GNG4: variants seen among roughly 807,000 people sequenced by gnomAD.
The protein encoded by GNG4 is G protein subunit gamma 4, also known as guanine nucleotide-binding protein G(I)/G(S)/G(O) subunit gamma-4.
GNG4 carries 4 observed loss-of-function variants against 5.8 expected under a neutral mutation model. The ratio of observed to expected loss-of-function variants is 0.69; its 90% CI spans 0.34 to 1.57. The LOEUF is 1.57. GNG4 is among the 40% of genes most tolerant of loss of function. GNG4 has a pLI of 0.06. For missense variants in GNG4, 96 were observed against 95.1 expected, an observed-to-expected ratio of 1.01 and a Z score of -0.04; for synonymous variants, 29 against 32.9, an observed-to-expected ratio of 0.88 and a Z score of 0.41.
chr1:235,574,031 A>G (rs1687418345), intron 3 of GNG4, among the ~76,000 whole-genome samples: 1 of 152,216 alleles, frequency 6.6e-6, no homozygotes, highest in African/African-American at 2.4e-5. Context: ...AAAAACATCA[A>G]AAGGTAGTGG....
At chr1:235,592,692 C>T (rs999612710) in intron 2 of GNG4, among the ~76,000 whole-genome samples, 1 of 152,166 alleles carries the variant, frequency 6.6e-6, no homozygotes, top group African/African-American at 2.4e-5. Context: ...GATAGCCGCC[C>T]TTTTCGGTCA....
intron 3 of GNG4, among the ~76,000 whole-genome samples, chr1:235,578,925 C>T (rs1271938845): frequency 5.9e-5 from 9 of 152,004 alleles, no homozygotes; most frequent in Admixed American, 1.3e-4. Context: ...TGGCGAACCC[C>T]GTCTCTACTA....
intron 1 of GNG4, among the ~76,000 whole-genome samples, chr1:235,627,870 G>A (rs1688848665): frequency 2.6e-5 from 4 of 152,158 alleles, no homozygotes; most frequent in Admixed American, 2.6e-4. Flanking sequence ...AGGAAGGGAT[G>A]GGTGTGATGG....
At chr1:235,621,271 T>C (rs1688704804) in intron 1 of GNG4, among the ~76,000 whole-genome samples, 1 of 142,062 alleles carries the variant, frequency 7.0e-6, no homozygotes, top group South Asian at 2.1e-4. Flanking sequence ...TCTTTCCTTT[T>C]TTTCTTTTTC....
intron 1 of GNG4, among the ~76,000 whole-genome samples, chr1:235,597,737 T>C (rs920899403): frequency 1.3e-5 from 2 of 151,576 alleles, no homozygotes; most frequent in African/African-American, 4.9e-5. Context: ...GTGATTCTCC[T>C]GCCTCAGCCT....
intron 3 of GNG4, among the ~76,000 whole-genome samples, chr1:235,562,682 AAAAG>A (rs1687099111): frequency 1.3e-5 from 2 of 151,262 alleles, no homozygotes; most frequent in South Asian, 4.2e-4. Flanking sequence ...AGAAAAAAAA[AAAAG>A]AAGAAAATTT....
At chr1:235,584,245 G>A (rs559462289) in intron 2 of GNG4, among the ~76,000 whole-genome samples, 1 of 152,176 alleles carries the variant, frequency 6.6e-6, no homozygotes, top group South Asian at 2.1e-4. Flanking sequence ...CCATACAGTT[G>A]GTGGGACAAT....
At chr1:235,589,444 G>A (rs964003969) in intron 2 of GNG4, among the ~76,000 whole-genome samples, 4 of 152,180 alleles carry the variant, frequency 2.6e-5, no homozygotes, top group Non-Finnish European at 5.9e-5. Context: ...GGCGGACAGT[G>A]TGAGAGAGCT....
intron 1 of GNG4, among the ~76,000 whole-genome samples, chr1:235,608,188 G>A (rs901877773): frequency 7.2e-5 from 11 of 152,004 alleles, no homozygotes; most frequent in East Asian, 3.9e-4. Flanking sequence ...CACCCACCTC[G>A]GCCTCCCAAA....
chr1:235,645,951 C>T (rs529657438), intron 1 of GNG4, among the ~76,000 whole-genome samples: 20 of 152,198 alleles, frequency 1.3e-4, no homozygotes, highest in African/African-American at 4.6e-4. Flanking sequence ...GGCAGGGGCA[C>T]CAGGAGGAGG....
chr1:235,596,212 ACACAC>A (rs1558490839), intron 1 of GNG4, among the ~76,000 whole-genome samples: 191 of 105,420 alleles, frequency 1.8e-3, no homozygotes, highest in South Asian at 0.01. Context: ...AACAAAATAC[ACACAC>A]ACACACACAC....
Position 235,550,794 on chromosome 1 carries a change from CTG to C in GNG4, c.*1313_*1314del, listed in dbSNP as rs1325917277. The C allele has an allele frequency of 6.6e-6, 1 of 152,128 alleles. No homozygotes were observed. The highest frequency in any genetic ancestry group is 1.5e-5 in the Non-Finnish European group (1 of 68,048). The allele number at this position is 152,128 out of a possible 1,614,324, so 9.4% of individuals were successfully genotyped here. A position where few individuals can be genotyped will look rare whatever the true frequency, so the allele number is the denominator to read the frequency against. ...CCAGCCCGGGCGACAGAGCAAGACT[CTG>C]TCTCAAAAAGATAAATAAATAAAAT... is the stretch of plus-strand genomic sequence containing the variant. On this transcript the variant is annotated 3_prime_UTR_variant, in exon 4 of 4. Transcript: ENST00000391854.
At chr1:235,593,283 G>C (rs956969378) in intron 2 of GNG4, among the ~76,000 whole-genome samples, 5 of 152,182 alleles carry the variant, frequency 3.3e-5, no homozygotes, top group Non-Finnish European at 5.9e-5. Flanking sequence ...GCATCTTGCA[G>C]CACACAACTC....
chr1:235,594,995 G>A lies in GNG4; in HGVS notation c.-11+405C>T, dbSNP rs1688090222. ...ACCCAGCAGCTTAAACTGCGAGTGG[G>A]GAGGAAGTGAGTGGTGGACCTCCTT... On this transcript the variant is annotated intron_variant, in intron 2 of 3. Coordinates refer to ENST00000391854, the MANE Select transcript of GNG4 (RefSeq NM_001098722.2). Among the ~76,000 whole-genome samples the A allele has an allele frequency of 1.3e-5, 2 of 152,190 alleles. 1 individual carries two copies. The highest frequency in any genetic ancestry group is 4.1e-4 in the South Asian group (2 of 4,828).
intron 1 of GNG4, among the ~76,000 whole-genome samples, chr1:235,639,136 G>T (rs914732507): frequency 6.6e-6 from 1 of 152,172 alleles, no homozygotes; most frequent in Non-Finnish European, 1.5e-5. Context: ...GGCCTGCCAG[G>T]TATTCCAGGA....
chr1:235,589,797 T>C (rs1687917077), intron 2 of GNG4, among the ~76,000 whole-genome samples: 1 of 152,210 alleles, frequency 6.6e-6, no homozygotes, highest in Non-Finnish European at 1.5e-5. Context: ...AAGGACACGG[T>C]CACTAGTCTA....
At chr1:235,559,809 T>G (rs1223810998) in intron 3 of GNG4, among the ~76,000 whole-genome samples, 1 of 152,264 alleles carries the variant, frequency 6.6e-6, no homozygotes, top group Non-Finnish European at 1.5e-5. Context: ...CATAGGCTTT[T>G]TTTCCACATC....
intron 3 of GNG4, among the ~76,000 whole-genome samples, chr1:235,565,576 T>C (rs1687173427): frequency 6.6e-6 from 1 of 152,028 alleles, no homozygotes; most frequent in Admixed American, 6.6e-5. Context: ...TCCCCAAAGG[T>C]CCTGGGAATA....
intron 1 of GNG4, among the ~76,000 whole-genome samples, chr1:235,599,005 G>A (rs1446849282): frequency 6.6e-6 from 1 of 152,170 alleles, no homozygotes; most frequent in Admixed American, 6.5e-5. Flanking sequence ...GGGATTACAG[G>A]CATGAGCCAC....
Sources: allele counts gnomAD v4.1 joint callset (sites outside exome capture counted in the v4.1 genomes callset), GRCh38; gene constraint gnomAD v4.1.1; transcripts MANE v1.5; gene names NCBI Gene and HGNC (gene_info 2026-07-23, HGNC 2026-07-21).